The following XYLT1 variants were observed in gnomAD, a reference collection of about 807,000 sequenced individuals.
XYLT1 encodes the protein xylosyltransferase 1.
A neutral mutation model predicts 91.3 loss-of-function variants in XYLT1; 36 were observed. The ratio of observed to expected loss-of-function variants is 0.39; its 90% CI spans 0.30 to 0.52. The LOEUF (loss-of-function observed/expected upper bound fraction) is 0.52, where lower values mean the gene tolerates loss of function less well. Ranked by LOEUF, XYLT1 falls within the 20% of genes least tolerant of loss-of-function variation. XYLT1 has a pLI of 0.68. For synonymous variants in XYLT1, 588 were observed against 532.0 expected (o/e 1.11, Z -1.45); for missense variants, 1,242 against 1,284.5 (o/e 0.97, Z 0.51).
In XYLT1 at chr16:17,200,566, G is replaced by A. The variant is rs1293847822; in HGVS notation, c.1002C>T (p.Val334=). ...GCAACTGCCGAGAGGCACGGCCGTG[G>A]ACCACCAGGACAAAGGCGATTCTGA... The part of the protein sequence containing the change: ...NPVRIAFVLV[V]HGRASRQLQR... Residue 334 remains valine (V), a synonymous_variant, in exon 4 of 12, where the codon GTC becomes GTT. Coordinates refer to ENST00000261381, the MANE Select transcript of XYLT1 (RefSeq NM_022166.4). 3 of 1,614,106 alleles carry A rather than the reference G, an allele frequency of 1.9e-6. No individual in the cohort carries two copies. The highest frequency in any genetic ancestry group is 1.3e-5 in the African/African-American group (1 of 74,944).
intron 1 of XYLT1, among the ~76,000 whole-genome samples, chr16:17,372,860 C>T (rs1192886704): frequency 6.6e-6 from 1 of 151,998 alleles, no homozygotes; most frequent in Non-Finnish European, 1.5e-5. Flanking sequence ...TAGGATTCAC[C>T]GAATATCTGT....
intron 2 of XYLT1, chr16:17,354,863 C>G (rs2035273002): frequency 6.6e-6 from 1 of 152,228 alleles, no homozygotes; most frequent in Admixed American, 6.5e-5. Context: ...TCACAATGGG[C>G]TGAGGCCAGC....
In XYLT1 at chr16:17,222,423, T is replaced by C. The variant is rs973566944; in HGVS notation, c.914-21769A>G. 5.9e-5 allele frequency among the ~76,000 whole-genome samples: 9 copies of C among 152,298 alleles called. No individual in the cohort carries two copies. In the East Asian group the frequency reaches 1.4e-3, roughly 23 times the overall value. The stretch of plus-strand genomic sequence containing the variant: ...ACAGAAGGGATTATCTGGTTCAAAA[T>C]GTCAAATGCCAAGGTTGAGAAACTG... On this transcript the variant is annotated intron_variant, in intron 3 of 11. Transcript: ENST00000261381.
Position 17,259,414 on chromosome 16 carries a change from C to T in XYLT1, c.487G>A (p.Val163Ile). ...ENSVPKDFEN[V>I]DNSNFAPRTQ... ...CTGGGTGCGAAGTTGCTGTTGTCGA[C>T]ATTCTCAAAGTCTTTGGGGACAGAG... Residue 163 changes from valine (V) to isoleucine (I), a missense_variant, in exon 3 of 12, where the codon GTC becomes ATC. Around this residue, in one of 3 missense-constraint regions of XYLT1, gnomAD observed 437 missense variants for 411.5 expected, o/e 1.06. Coordinates refer to ENST00000261381, the MANE Select transcript of XYLT1 (RefSeq NM_022166.4). The T allele has an allele frequency of 6.2e-7, 1 of 1,614,176 alleles. No individual in the cohort carries two copies. Among genetic ancestry groups the T allele is most frequent in the African/African-American group, 1.3e-5 (1 of 75,050 alleles).
chr16:17,284,308 C>A (rs1187490575), intron 2 of XYLT1, among the ~76,000 whole-genome samples: 1 of 152,192 alleles, frequency 6.6e-6, no homozygotes, highest in Non-Finnish European at 1.5e-5. Flanking sequence ...CCCACTAACA[C>A]TGGAGCACCT....
chr16:17,306,557 G>GATATATATATATAT lies in XYLT1; in HGVS notation c.403-47073_403-47060dup, dbSNP rs35971345. 5.8e-3 allele frequency among the ~76,000 whole-genome samples: 856 copies of GATATATATATATAT among 146,518 alleles called. 12 individuals carry two copies. Among genetic ancestry groups the GATATATATATATAT allele is most frequent in the Admixed American group, 0.03 (441 of 14,626 alleles). The stretch of plus-strand genomic sequence containing the variant: ...GTGACAGAGTGAGACTGTCACAAAA[G>GATATATATATATAT]ATATATATATATATATATATTCCCT... On this transcript the variant is annotated intron_variant, in intron 2 of 11. Coordinates refer to ENST00000261381, the MANE Select transcript of XYLT1 (RefSeq NM_022166.4).
Position 17,109,004 on chromosome 16 carries a change from C to A in XYLT1, c.2571G>T (p.Lys857Asn). Residue 857 changes from lysine to asparagine, a missense_variant, in exon 12 of 12, where the codon AAG becomes AAT. Lys to Asn is a moderately conservative substitution (Grantham distance 94). Coordinates refer to ENST00000261381, the MANE Select transcript of XYLT1 (RefSeq NM_022166.4). The stretch of plus-strand genomic sequence containing the variant: ...CATTGCGGAGGGGCCCATTGTGCAG[C>A]TTCAGTGCCTCCTCTGAAAGCCAAA... ...RQPIKPEEAL[K>N]LHNGPLRNAY... is the part of the protein sequence containing the mutation. 1 of 1,518,102 alleles carries A rather than the reference C, an allele frequency of 6.6e-7. No homozygotes were observed. Among genetic ancestry groups the A allele is most frequent in the Admixed American group, 2.0e-5 (1 of 49,924 alleles). The allele number at this position is 1,518,102 out of a possible 1,614,324, so 94.0% of individuals were successfully genotyped here.
intron 11 of XYLT1, among the ~76,000 whole-genome samples, chr16:17,110,419 A>C (rs548134778): frequency 6.6e-6 from 1 of 152,288 alleles, no homozygotes; most frequent in East Asian, 1.9e-4. Flanking sequence ...TGAATAAGTA[A>C]GTCTCATGAG....
chr16:17,380,920 G>A (rs1596514805), intron 1 of XYLT1, among the ~76,000 whole-genome samples: 1 of 152,344 alleles, frequency 6.6e-6, no homozygotes, highest in South Asian at 2.1e-4. Flanking sequence ...CAAATACTGT[G>A]TGATTCCACT....
intron 1 of XYLT1, among the ~76,000 whole-genome samples, chr16:17,413,441 ATTT>A (rs34570613): frequency 7.0e-6 from 1 of 142,632 alleles, no homozygotes. Context: ...TTTTGTCATC[ATTT>A]TTTTTTTTTT....
chr16:17,277,442 T>G (rs1023475878), intron 2 of XYLT1, among the ~76,000 whole-genome samples: 1 of 152,114 alleles, frequency 6.6e-6, no homozygotes, highest in Non-Finnish European at 1.5e-5. Context: ...CAGGCTGGAG[T>G]GCAGTGGCGC....
intron 10 of XYLT1, among the ~76,000 whole-genome samples, chr16:17,119,123 AAC>A (rs2029958485): frequency 6.6e-6 from 1 of 152,108 alleles, no homozygotes. Flanking sequence ...GCTCTGTGTG[AAC>A]AGGGGTTTTA....
At chr16:17,247,073 G>T (rs1043428655) in intron 3 of XYLT1, among the ~76,000 whole-genome samples, 1 of 150,838 alleles carries the variant, frequency 6.6e-6, no homozygotes, top group African/African-American at 2.4e-5. Flanking sequence ...AGGAGAAAAG[G>T]CCAGCTAGTT....
chr16:17,161,922 T>C (rs1184632807), intron 5 of XYLT1, among the ~76,000 whole-genome samples: 1 of 152,092 alleles, frequency 6.6e-6, no homozygotes, highest in African/African-American at 2.4e-5. Context: ...TCTGCTGAAA[T>C]AAGTAAGAAA....
chr16:17,109,840 C>T (rs897219787), intron 11 of XYLT1, among the ~76,000 whole-genome samples: 1 of 152,154 alleles, frequency 6.6e-6, no homozygotes, highest in African/African-American at 2.4e-5. Context: ...TCTCAGCTGC[C>T]GAGCGTCCAC....
At chr16:17,298,250 C>T (rs934918056) in intron 2 of XYLT1, among the ~76,000 whole-genome samples, 22 of 152,020 alleles carry the variant, frequency 1.4e-4, no homozygotes, top group Non-Finnish European at 1.2e-4. Context: ...CTAGTGGGGG[C>T]GAGGGAATGG....
chr16:17,182,514 C>T (rs961444945), intron 5 of XYLT1, among the ~76,000 whole-genome samples: 10 of 152,012 alleles, frequency 6.6e-5, no homozygotes, highest in South Asian at 2.1e-4. Context: ...GTTAGAGCTT[C>T]GACATATAAA....
chr16:17,389,650 G>C (rs118010944), intron 1 of XYLT1, among the ~76,000 whole-genome samples: 210 of 152,268 alleles, frequency 1.4e-3, no homozygotes, highest in Non-Finnish European at 2.5e-3. Flanking sequence ...CAGGTCTTCA[G>C]CCTAAAACAC....
intron 5 of XYLT1, among the ~76,000 whole-genome samples, chr16:17,194,828 T>C (rs760221478): frequency 2.6e-5 from 4 of 152,362 alleles, no homozygotes; most frequent in Admixed American, 6.5e-5. Flanking sequence ...AACAGGTTTG[T>C]TGTAAGGGTT....
Sources: allele counts gnomAD v4.1 joint callset (sites outside exome capture counted in the v4.1 genomes callset), GRCh38; gene constraint gnomAD v4.1.1; regional missense constraint gnomAD v4.1.1; transcripts MANE v1.5; gene names NCBI Gene and HGNC (gene_info 2026-07-23, HGNC 2026-07-21).